NAV2: variants seen among roughly 807,000 people sequenced by gnomAD.
NAV2 encodes the protein helicase, APC down-regulated 1.
A neutral mutation model predicts 223.2 loss-of-function variants in NAV2; 54 were observed. That is an observed-to-expected ratio of 0.24 (90% confidence interval 0.19 to 0.30). The LOEUF (loss-of-function observed/expected upper bound fraction) is 0.30. NAV2 is among the 10% of genes least tolerant of loss of function. The probability of loss-of-function intolerance (pLI) is 1.00; values close to 1 mark genes in which losing one functional copy is unlikely to be tolerated. For missense variants in NAV2, 2,806 were observed against 3,147.5 expected, an observed-to-expected ratio of 0.89 and a Z score of 2.60; for synonymous variants, 1,279 against 1,239.3, an observed-to-expected ratio of 1.03 and a Z score of -0.67.
intron 1 of NAV2, among the ~76,000 whole-genome samples, chr11:19,697,537 A>T (rs1436348232): frequency 6.6e-6 from 1 of 151,554 alleles, no homozygotes; most frequent in African/African-American, 2.4e-5. Context: ...ATTTTATTAT[A>T]GAGGAAAGAT....
At chr11:19,574,686 G>GT (rs1396023685) in intron 1 of NAV2, among the ~76,000 whole-genome samples, 19 of 152,184 alleles carry the variant, frequency 1.2e-4, no homozygotes, top group African/African-American at 4.1e-4. Context: ...GCAAGACAAG[G>GT]TTCCTGCTAC....
chr11:19,948,961 C>A lies in NAV2; in HGVS notation c.2526C>A (p.Asp842Glu). 1 of 1,613,944 alleles carries A rather than the reference C, an allele frequency of 6.2e-7. No individual in the cohort carries two copies. The highest frequency in any genetic ancestry group is 1.7e-5 in the Admixed American group (1 of 59,998). ...GGGGCAGTAGTGTCTGCCATGTGGA[C>A]GTCTCAGACAAGGCAGGAGATGAGA... ...ASRGSSVCHV[D>E]VSDKAGDEMD... The change falls in exon 10 of 38, where the codon GAC becomes GAA. Residue 842 changes from aspartate to glutamate, a missense_variant. Physicochemically the swap from Asp to Glu is conservative, Grantham distance 45. Coordinates refer to ENST00000349880, the MANE Select transcript of NAV2 (RefSeq NM_145117.5).
intron 1 of NAV2, among the ~76,000 whole-genome samples, chr11:19,439,405 T>A (rs1851322336): frequency 6.6e-6 from 1 of 152,026 alleles, no homozygotes; most frequent in African/African-American, 2.4e-5. Flanking sequence ...CCTCCTGAAA[T>A]GAGATTACCC....
intron 1 of NAV2, among the ~76,000 whole-genome samples, chr11:19,741,745 A>G (rs1036846266): frequency 4.1e-5 from 6 of 147,178 alleles, no homozygotes; most frequent in Non-Finnish European, 5.9e-5. Context: ...TTATTTATCC[A>G]TTTATCCGTT....
chr11:20,068,332 G>C lies in NAV2; in HGVS notation c.4917G>C (p.Lys1639Asn). 5 of 1,614,152 alleles carry C rather than the reference G, an allele frequency of 3.1e-6. No individual in the cohort carries two copies. The highest frequency in any genetic ancestry group is 4.2e-6 in the Non-Finnish European group (5 of 1,179,986). The change falls in exon 22 of 38, where the codon AAG (lysine) becomes AAC (asparagine). Residue 1639 changes from lysine to asparagine, a missense_variant. Lys to Asn is a moderately conservative substitution (Grantham distance 94). Around this residue, in one of 4 missense-constraint regions of NAV2, gnomAD observed 824 missense variants for 1,069.4 expected, o/e 0.77. Transcript: ENST00000349880. ...PEEKCQSEIR[K>N]LRRELDASQE... ...TCCCTTGTCATCTTTAGATTCGCAA[G>C]CTGCGGCGGGAACTGGATGCCTCCC...
At chr11:19,905,829 G>A (rs2042819656) in intron 6 of NAV2, among the ~76,000 whole-genome samples, 1 of 152,104 alleles carries the variant, frequency 6.6e-6, no homozygotes, top group South Asian at 2.1e-4. Flanking sequence ...AACACAAGTA[G>A]TGTTTACCTC....
At chr11:19,944,862 T>C (rs140718792) in intron 8 of NAV2, among the ~76,000 whole-genome samples, 7,811 of 145,902 alleles carry the variant, frequency 0.054, 334 homozygotes, top group Non-Finnish European at 0.078. Flanking sequence ...CTGTCTTGCT[T>C]GTCTTTCTTT....
intron 1 of NAV2, among the ~76,000 whole-genome samples, chr11:19,697,645 G>A (rs931178570): frequency 6.6e-6 from 1 of 152,084 alleles, no homozygotes; most frequent in Non-Finnish European, 1.5e-5. Context: ...TGGGGACCCC[G>A]ACTGGGACAC....
chr11:19,941,985 A>G (rs1021836686), intron 8 of NAV2, among the ~76,000 whole-genome samples: 2 of 152,180 alleles, frequency 1.3e-5, no homozygotes, highest in African/African-American at 4.8e-5. Flanking sequence ...ACACTTTGAT[A>G]TCCTCCAAGC....
At chr11:19,488,850 A>C (rs968271456) in intron 1 of NAV2, among the ~76,000 whole-genome samples, 3 of 152,216 alleles carry the variant, frequency 2.0e-5, no homozygotes, top group African/African-American at 7.2e-5. Context: ...GCATGAGTCC[A>C]AACTCTTCAT....
chr11:19,648,476 G>T (rs1054669001), intron 1 of NAV2, among the ~76,000 whole-genome samples: 1 of 152,188 alleles, frequency 6.6e-6, no homozygotes, highest in Non-Finnish European at 1.5e-5. Flanking sequence ...TGCCTGATAG[G>T]CCTCAAGCAT....
At chr11:19,670,715 C>G (rs1003031989) in intron 1 of NAV2, among the ~76,000 whole-genome samples, 11 of 152,230 alleles carry the variant, frequency 7.2e-5, no homozygotes, top group Non-Finnish European at 1.3e-4. Flanking sequence ...GAAGCGGCAG[C>G]TGGGTCACAT....
chr11:20,023,115 G>C (rs1188761827), intron 11 of NAV2: 1 of 1,551,876 alleles, frequency 6.4e-7, no homozygotes. Flanking sequence ...AAATGCTCTG[G>C]CCTAGGAACC....
chr11:19,725,987 T>A (rs1291973008), intron 1 of NAV2, among the ~76,000 whole-genome samples: 2 of 152,108 alleles, frequency 1.3e-5, no homozygotes, highest in Non-Finnish European at 2.9e-5. Flanking sequence ...ATTCCCCAGG[T>A]CTGGTGGCTT....
chr11:20,103,130 C>A, intron 32 of NAV2, 125 bp from the exon 33 acceptor site: 1 of 867,670 alleles, frequency 1.2e-6, no homozygotes, highest in Non-Finnish European at 1.8e-6. Context: ...AATGTGTTTA[C>A]AGCGCAGAAT....
chr11:19,452,468 C>A (rs1851823280), intron 1 of NAV2, among the ~76,000 whole-genome samples: 1 of 152,182 alleles, frequency 6.6e-6, no homozygotes, highest in South Asian at 2.1e-4. Flanking sequence ...TCTTCCATAG[C>A]CCACTGTCTG....
chr11:19,454,838 G>A (rs117956361), intron 1 of NAV2, among the ~76,000 whole-genome samples: 7,689 of 152,278 alleles, frequency 0.05, 266 homozygotes, highest in Non-Finnish European at 0.077. Flanking sequence ...CAGAAAGAGA[G>A]AACAGCATGT....
In NAV2 at chr11:19,865,765, CCCTGTATTT is replaced by C. The variant is rs148546025; in HGVS notation, c.439-3158_439-3150del. 6.4e-3 allele frequency among the ~76,000 whole-genome samples: 972 copies of C among 151,716 alleles called. 10 individuals are homozygous for C. The highest frequency in any genetic ancestry group is 0.023 in the African/African-American group (935 of 40,988). On this transcript the variant is annotated intron_variant, in intron 3 of 37. Transcript: ENST00000349880. Reference sequence around the variant, plus strand: ...GCAGACCAGCCATCTGGTTTTGGCTCCCTGTATTTCATCTCTTTAGAAGAAAACAATGGT... The same window carrying C: ...GCAGACCAGCCATCTGGTTTTGGCTCCATCTCTTTAGAAGAAAACAATGGT...
At chr11:19,358,472 A>T (rs1250843789) in intron 1 of NAV2, among the ~76,000 whole-genome samples, 1 of 152,092 alleles carries the variant, frequency 6.6e-6, no homozygotes, top group Non-Finnish European at 1.5e-5. Context: ...TGTACAGGGG[A>T]TTTCTTCCTT....
Sources: gnomAD v4.1 joint callset for allele counts (sites outside exome capture counted in the v4.1 genomes callset) on GRCh38, gnomAD v4.1.1 for gene constraint, gnomAD v4.1.1 regional missense constraint, MANE v1.5 for transcripts, NCBI Gene and HGNC (gene_info 2026-07-23, HGNC 2026-07-21) for gene names.